The following GPC6 variants were observed in gnomAD, a reference collection of about 807,000 sequenced individuals.
The protein encoded by GPC6 is glypican 6, also known as glypican-6.
In GPC6, 14 loss-of-function variants were observed where a neutral mutation model predicts 55.2. The ratio of observed to expected loss-of-function variants is 0.25; its 90% confidence interval spans 0.17 to 0.40. The LOEUF is 0.40. Ranked by LOEUF, GPC6 falls within the 10% of genes least tolerant of loss-of-function variation. The pLI is 1.00. For synonymous variants in GPC6, 278 were observed against 259.6 expected, an observed-to-expected ratio of 1.07 and a Z score of -0.68; for missense variants, 641 against 708.5, an observed-to-expected ratio of 0.90 and a Z score of 1.08.
At chr13:94,019,645 A>G (rs2138710213) in intron 3 of GPC6, among the ~76,000 whole-genome samples, 1 of 152,230 alleles carries the variant, frequency 6.6e-6, no homozygotes, top group Admixed American at 6.5e-5. Flanking sequence ...TCTTACAGGG[A>G]CACTTTCACT....
chr13:94,272,312 T>G (rs896656022), intron 4 of GPC6, among the ~76,000 whole-genome samples: 13 of 152,164 alleles, frequency 8.5e-5, no homozygotes, highest in African/African-American at 3.1e-4. Flanking sequence ...CTGGGGCGAT[T>G]TGGTTTATTA....
rs553524720 is a variant in GPC6, at chr13:94,389,204, G to GA, written c.1289+6661dup. Among the ~76,000 whole-genome samples, 6 of 152,172 alleles carry GA rather than the reference G, an allele frequency of 3.9e-5. No homozygotes were observed. The South Asian group carries it at 1.0e-3, about 26-fold the overall frequency. On this transcript the variant is annotated intron_variant, in intron 7 of 8. Transcript: ENST00000377047. ...CGATAATAATCTAGAAGGCCAAAGG[G>GA]AAAAAAATTAAAGACTCATGGTGCA... is the stretch of plus-strand genomic sequence containing the variant.
chr13:93,254,998 G>A (rs1361926990), intron 1 of GPC6, among the ~76,000 whole-genome samples: 2 of 152,224 alleles, frequency 1.3e-5, no homozygotes, highest in African/African-American at 4.8e-5. Context: ...TGGGAAGCCA[G>A]GATGTTTCCA....
chr13:94,247,192 AT>A (rs1424092189), intron 4 of GPC6, among the ~76,000 whole-genome samples: 1 of 152,106 alleles, frequency 6.6e-6, no homozygotes, highest in Non-Finnish European at 1.5e-5. Flanking sequence ...TTTCATTTTT[AT>A]TTTAAATCTT....
At chr13:94,227,202 C>T (rs1890585385) in intron 4 of GPC6, among the ~76,000 whole-genome samples, 1 of 152,106 alleles carries the variant, frequency 6.6e-6, no homozygotes, top group Non-Finnish European at 1.5e-5. Flanking sequence ...TAATTGTAGC[C>T]ATTTCATGAG....
intron 3 of GPC6, among the ~76,000 whole-genome samples, chr13:93,936,969 C>T (rs1393042163): frequency 2.0e-5 from 3 of 152,152 alleles, no homozygotes; most frequent in Non-Finnish European, 2.9e-5. Flanking sequence ...CTCTTAATTC[C>T]GTTCAAAGCC....
intron 1 of GPC6, among the ~76,000 whole-genome samples, chr13:93,231,361 G>GTATATATATATATATATATACATA: frequency 1.2e-5 from 1 of 86,244 alleles, no homozygotes; most frequent in Non-Finnish European, 2.3e-5. Context: ...ATATATATAC[G>GTATATATATATATATATATACATA]TATATATATA....
intron 3 of GPC6, among the ~76,000 whole-genome samples, chr13:93,836,479 A>G (rs1208942377): frequency 6.6e-6 from 1 of 152,196 alleles, no homozygotes; most frequent in Non-Finnish European, 1.5e-5. Flanking sequence ...CACAATCACA[A>G]AAAGGCCTTA....
intron 3 of GPC6, among the ~76,000 whole-genome samples, chr13:93,875,406 A>C (rs1167811613): frequency 6.6e-6 from 1 of 152,032 alleles, no homozygotes; most frequent in South Asian, 2.1e-4. Context: ...TAACTTTTTT[A>C]AAAGAAACTT....
At chr13:94,005,618 G>A (rs959547002) in intron 3 of GPC6, among the ~76,000 whole-genome samples, 6 of 152,156 alleles carry the variant, frequency 3.9e-5, no homozygotes, top group Non-Finnish European at 5.9e-5. Flanking sequence ...ATATCAACAA[G>A]CCAATTTAGT....
intron 1 of GPC6, among the ~76,000 whole-genome samples, chr13:93,496,186 C>G (rs949234926): frequency 1.3e-5 from 2 of 152,048 alleles, no homozygotes; most frequent in Non-Finnish European, 2.9e-5. Context: ...AGTCCGTGGG[C>G]GTAGGACCCT....
chr13:93,575,370 C>G (rs867842126), intron 2 of GPC6, among the ~76,000 whole-genome samples: 36 of 152,230 alleles, frequency 2.4e-4, no homozygotes, highest in African/African-American at 7.9e-4. Flanking sequence ...AGATATTACT[C>G]CATGCCTTTC....
chr13:94,293,183 A>G (rs1298402353), intron 5 of GPC6, among the ~76,000 whole-genome samples: 2 of 152,142 alleles, frequency 1.3e-5, no homozygotes, highest in East Asian at 3.9e-4. Context: ...ATACTCTACC[A>G]AGTACCAGGC....
intron 2 of GPC6, among the ~76,000 whole-genome samples, chr13:93,798,222 G>C (rs1201124292): frequency 6.6e-6 from 1 of 152,114 alleles, no homozygotes; most frequent in African/African-American, 2.4e-5. Flanking sequence ...GTGAAAAAGA[G>C]AAACTGAACT....
At chr13:93,539,038 C>G (rs547554801) in intron 1 of GPC6, among the ~76,000 whole-genome samples, 3 of 152,052 alleles carry the variant, frequency 2.0e-5, no homozygotes, top group Non-Finnish European at 4.4e-5. Context: ...ACCAACGTGT[C>G]ATCCAGCATT....
chr13:93,732,802 C>T (rs1227699501), intron 2 of GPC6, among the ~76,000 whole-genome samples: 1 of 145,238 alleles, frequency 6.9e-6, no homozygotes, highest in East Asian at 2.0e-4. Context: ...CTTGCAGCTA[C>T]ATTAAAAAAG....
chr13:94,215,153 T>G (rs1198074664), intron 4 of GPC6, among the ~76,000 whole-genome samples: 3 of 152,244 alleles, frequency 2.0e-5, no homozygotes, highest in Non-Finnish European at 4.4e-5. Flanking sequence ...TTTCACAGTA[T>G]GAACTATTAT....
At chr13:94,130,728 G>A (rs1261869455) in intron 4 of GPC6, among the ~76,000 whole-genome samples, 1 of 152,110 alleles carries the variant, frequency 6.6e-6, no homozygotes, top group African/African-American at 2.4e-5. Context: ...AAATGACCAT[G>A]AAGTCATTCT....
intron 2 of GPC6, among the ~76,000 whole-genome samples, chr13:93,756,230 T>C (rs1884764228): frequency 6.6e-6 from 1 of 152,146 alleles, no homozygotes. Context: ...ATTAATTGTT[T>C]AGGATTAAAT....
Sources: allele counts gnomAD v4.1 joint callset (sites outside exome capture counted in the v4.1 genomes callset), GRCh38; gene constraint gnomAD v4.1.1; transcripts MANE v1.5; gene names NCBI Gene and HGNC (gene_info 2026-07-23, HGNC 2026-07-21).